The following PTPRT variants were observed in gnomAD, a reference collection of about 807,000 sequenced individuals.
The protein encoded by PTPRT is protein tyrosine phosphatase receptor type T, also known as receptor-type tyrosine-protein phosphatase T.
PTPRT carries 56 observed loss-of-function variants against 176.8 expected under a neutral mutation model. That is an observed-to-expected ratio of 0.32 (90% CI 0.26 to 0.40). The LOEUF (loss-of-function observed/expected upper bound fraction) is 0.40. Ranked by LOEUF, PTPRT falls within the 10% of genes least tolerant of loss-of-function variation. The probability of loss-of-function intolerance (pLI) is 1.00; values close to 1 mark genes in which losing one functional copy is unlikely to be tolerated. For missense variants in PTPRT, 1,540 were observed against 1,908.2 expected, an observed-to-expected ratio of 0.81 and a Z score of 3.60; for synonymous variants, 783 against 739.0, an observed-to-expected ratio of 1.06 and a Z score of -0.96.
intron 12 of PTPRT, among the ~76,000 whole-genome samples, chr20:42,299,853 TG>T (rs1351189085): frequency 1.3e-5 from 2 of 151,814 alleles, no homozygotes; most frequent in African/African-American, 4.8e-5. Flanking sequence ...TTCACCATGT[TG>T]GCCAAAATGG....
intron 1 of PTPRT, among the ~76,000 whole-genome samples, chr20:43,168,369 C>G (rs576908878): frequency 6.6e-6 from 1 of 152,278 alleles, no homozygotes; most frequent in South Asian, 2.1e-4. Flanking sequence ...TCTTGCCTCA[C>G]ATCAGGAATG....
the PTPRT span, among the ~76,000 whole-genome samples, chr20:42,033,563 C>G: frequency 6.6e-6 from 1 of 152,230 alleles, no homozygotes; most frequent in South Asian, 2.1e-4. Context: ...GCTCCTACCC[C>G]ACTTGTAGCC....
chr20:43,072,438 A>G (rs942127985), intron 1 of PTPRT, among the ~76,000 whole-genome samples: 4 of 152,136 alleles, frequency 2.6e-5, no homozygotes, highest in East Asian at 1.9e-4. Context: ...GGCCTCTAAC[A>G]CTTGGTTCAA....
chr20:43,168,918 T>C (rs2014924042), intron 1 of PTPRT, among the ~76,000 whole-genome samples: 1 of 152,180 alleles, frequency 6.6e-6, no homozygotes, highest in South Asian at 2.1e-4. Flanking sequence ...CCAGAGTTCA[T>C]TAGGTTGAAG....
At chr20:42,358,952 T>G (rs1437095601) in intron 9 of PTPRT, among the ~76,000 whole-genome samples, 1 of 152,130 alleles carries the variant, frequency 6.6e-6, no homozygotes, top group Non-Finnish European at 1.5e-5. Context: ...ATATTTTATT[T>G]CGAGGGTAAT....
At chr20:42,386,335 G>A (rs6072718) in intron 9 of PTPRT, among the ~76,000 whole-genome samples, 124,325 of 152,032 alleles carry the variant, frequency 0.82, 50,969 homozygotes, top group East Asian at 0.94. Context: ...TTGAAAAACT[G>A]TCCCAGGAGT....
At chr20:42,189,308 C>G (rs1990901430) in intron 16 of PTPRT, among the ~76,000 whole-genome samples, 1 of 152,186 alleles carries the variant, frequency 6.6e-6, no homozygotes, top group Non-Finnish European at 1.5e-5. Flanking sequence ...AATCACTTAG[C>G]CAGAATTAAT....
intron 1 of PTPRT, among the ~76,000 whole-genome samples, chr20:43,115,316 G>T (rs115135591): frequency 0.025 from 3,793 of 152,276 alleles, 171 homozygotes; most frequent in African/African-American, 0.087. Context: ...GGGGAGCAAG[G>T]TCTTCCCATG....
At chr20:42,988,241 C>T (rs1983709628) in intron 1 of PTPRT, among the ~76,000 whole-genome samples, 1 of 152,186 alleles carries the variant, frequency 6.6e-6, no homozygotes, top group Admixed American at 6.5e-5. Context: ...GAATGGCAGC[C>T]TTCTCATCAG....
intron 1 of PTPRT, among the ~76,000 whole-genome samples, chr20:43,099,599 C>G (rs902118890): frequency 6.6e-6 from 1 of 152,188 alleles, no homozygotes; most frequent in African/African-American, 2.4e-5. Context: ...TCCATCCCTA[C>G]CTCCTAATTT....
chr20:42,344,050 C>T (rs974706728), intron 11 of PTPRT, among the ~76,000 whole-genome samples: 1 of 152,216 alleles, frequency 6.6e-6, no homozygotes, highest in Non-Finnish European at 1.5e-5. Context: ...CAGGTACCTG[C>T]CACCACACCC....
At chr20:42,793,002 C>G (rs2077399362) in intron 2 of PTPRT, among the ~76,000 whole-genome samples, 1 of 152,294 alleles carries the variant, frequency 6.6e-6, no homozygotes, top group East Asian at 1.9e-4. Context: ...AACCACCATG[C>G]AGAGCAGGCG....
intron 9 of PTPRT, among the ~76,000 whole-genome samples, chr20:42,415,595 G>A (rs984194806): frequency 5.8e-4 from 88 of 152,202 alleles, no homozygotes; most frequent in Non-Finnish European, 1.2e-4. Flanking sequence ...AATGACCTCA[G>A]ATGGTTTTGA....
At chr20:42,224,562 G>C (rs1005291664) in intron 15 of PTPRT, among the ~76,000 whole-genome samples, 1 of 152,200 alleles carries the variant, frequency 6.6e-6, no homozygotes, top group Admixed American at 6.5e-5. Flanking sequence ...AATGCTTCAC[G>C]ATGCTCTTTC....
chr20:43,087,378 TTTTTTTTTTTC>T (rs1364017841), intron 1 of PTPRT, among the ~76,000 whole-genome samples: 1 of 146,678 alleles, frequency 6.8e-6, no homozygotes, highest in Non-Finnish European at 1.5e-5. Context: ...TTTTTTTTTT[TTTTTTTTTTTC>T]TCCGAAACAG....
At chr20:42,553,368 A>C (rs2072802377) in intron 7 of PTPRT, among the ~76,000 whole-genome samples, 1 of 150,904 alleles carries the variant, frequency 6.6e-6, no homozygotes, top group African/African-American at 2.4e-5. Context: ...TCTCATTTTT[A>C]CCTTCTATCT....
rs184133723 is a variant in PTPRT, at chr20:42,591,305, T to A, written c.1153+86561A>T. The stretch of plus-strand genomic sequence containing the variant: ...TTAAGCTAAGTCTAAAAACAAAGAC[T>A]TCTATGAAGGTTGAAGATAGGTACA... On this transcript the variant is annotated intron_variant, in intron 7 of 30. Transcript: ENST00000373187. 5.7e-4 allele frequency among the ~76,000 whole-genome samples: 87 copies of A among 152,070 alleles called. 1 individual carries two copies. The highest frequency in any genetic ancestry group is 3.5e-3 in the Admixed American group (53 of 15,268).
intron 9 of PTPRT, among the ~76,000 whole-genome samples, chr20:42,439,276 A>C (rs927398136): frequency 6.6e-6 from 1 of 152,118 alleles, no homozygotes; most frequent in Non-Finnish European, 1.5e-5. Flanking sequence ...TGTCTTTTTT[A>C]ATCTCACAAA....
intron 16 of PTPRT, 37 bp from the exon 17 acceptor site, chr20:42,161,579 T>C: frequency 6.5e-7 from 1 of 1,550,312 alleles, no homozygotes; most frequent in Non-Finnish European, 8.7e-7. Context: ...TCATCACCTA[T>C]AGAAGCTTTG....
Sources: gnomAD v4.1 joint callset for allele counts (sites outside exome capture counted in the v4.1 genomes callset) on GRCh38, gnomAD v4.1.1 for gene constraint, MANE v1.5 for transcripts, NCBI Gene and HGNC (gene_info 2026-07-23, HGNC 2026-07-21) for gene names.